Variants in MAN1A2 observed in about 807,000 individuals in gnomAD.
MAN1A2 encodes mannosidase alpha class 1A member 2.
A neutral mutation model predicts 75.7 loss-of-function variants in MAN1A2; 26 were observed. The ratio of observed to expected loss-of-function variants is 0.34; its 90% CI spans 0.25 to 0.48. MAN1A2 has a LOEUF of 0.48. Among genes scored for constraint, MAN1A2 ranks in the 20% least tolerant of loss-of-function variants. The probability of loss-of-function intolerance (pLI) is 0.99; values close to 1 mark genes in which losing one functional copy is unlikely to be tolerated. For missense variants in MAN1A2, 562 were observed against 775.5 expected (o/e 0.72, Z 3.27); for synonymous variants, 247 against 264.6 (o/e 0.93, Z 0.65).
chr1:117,449,156 C>T (rs2101821827), intron 6 of MAN1A2, among the ~76,000 whole-genome samples: 1 of 152,260 alleles, frequency 6.6e-6, no homozygotes, highest in Admixed American at 6.5e-5. Flanking sequence ...TCTCCTTCTC[C>T]TTGGGCTTCC....
At chr1:117,490,033 G>C (rs1650831442) in intron 8 of MAN1A2, among the ~76,000 whole-genome samples, 2 of 151,860 alleles carry the variant, frequency 1.3e-5, no homozygotes. Flanking sequence ...ATAAAGGAGT[G>C]TGGTTGCCTT....
intron 7 of MAN1A2, among the ~76,000 whole-genome samples, chr1:117,462,609 G>T (rs1006148081): frequency 1.3e-5 from 2 of 152,152 alleles, no homozygotes; most frequent in Admixed American, 6.6e-5. Context: ...GTATAGTTTT[G>T]AAAGGAAATG....
chr1:117,459,152 C>G (rs1285182944), intron 6 of MAN1A2, among the ~76,000 whole-genome samples: 1 of 152,144 alleles, frequency 6.6e-6, no homozygotes, highest in African/African-American at 2.4e-5. Context: ...GAGGCCATAT[C>G]TAAAGTGGCA....
chr1:117,450,644 C>T (rs557854752), intron 6 of MAN1A2, among the ~76,000 whole-genome samples: 1 of 152,262 alleles, frequency 6.6e-6, no homozygotes, highest in South Asian at 2.1e-4. Flanking sequence ...CCAGGGTCCC[C>T]TTGTGTGCAG....
chr1:117,404,865 TGACACG>T (rs1358081723), intron 2 of MAN1A2, among the ~76,000 whole-genome samples: 3 of 152,128 alleles, frequency 2.0e-5, no homozygotes, highest in Admixed American at 2.0e-4. Flanking sequence ...CCATTCTGGC[TGACACG>T]GTGAAACCCT....
chr1:117,447,421 A>T (rs139921690), intron 6 of MAN1A2, among the ~76,000 whole-genome samples: 1 of 152,072 alleles, frequency 6.6e-6, no homozygotes, highest in African/African-American at 2.4e-5. Context: ...AGTATCCTGC[A>T]TATGTTGGGA....
At chr1:117,392,973 GA>G (rs1400968102) in intron 1 of MAN1A2, among the ~76,000 whole-genome samples, 1 of 152,196 alleles carries the variant, frequency 6.6e-6, no homozygotes, top group Non-Finnish European at 1.5e-5. Context: ...TTCATATTGA[GA>G]AACAGTTGGG....
intron 6 of MAN1A2, among the ~76,000 whole-genome samples, chr1:117,460,095 T>C (rs1045825545): frequency 2.6e-5 from 4 of 152,008 alleles, no homozygotes; most frequent in African/African-American, 9.7e-5. Flanking sequence ...AGAAAGTTGT[T>C]TATGAACTGA....
Position 117,519,691 on chromosome 1 carries a change from A to G in MAN1A2, c.1794-3134A>G, listed in dbSNP as rs576153723. Among the ~76,000 whole-genome samples, 54 of 152,072 alleles carry G rather than the reference A, an allele frequency of 3.6e-4. No individual in the cohort carries two copies. In the South Asian group the frequency reaches 0.01, roughly 29 times the overall value. ...GCGAAATTGAAATGGTAATTTAACA[A>G]TTACCAACAAAAAAAAGCCCAGGAA... On this transcript the variant is annotated intron_variant, in intron 12 of 12. Coordinates refer to ENST00000356554, the MANE Select transcript of MAN1A2 (RefSeq NM_006699.5).
intron 6 of MAN1A2, among the ~76,000 whole-genome samples, chr1:117,449,646 G>A (rs1212705618): frequency 6.6e-6 from 1 of 152,066 alleles, no homozygotes; most frequent in Non-Finnish European, 1.5e-5. Flanking sequence ...GGCCTCTTGT[G>A]CCAAACAGTC....
At chr1:117,392,483 A>G (rs1653755388) in intron 1 of MAN1A2, among the ~76,000 whole-genome samples, 1 of 151,950 alleles carries the variant, frequency 6.6e-6, no homozygotes, top group African/African-American at 2.4e-5. Flanking sequence ...TGTCCGTGGT[A>G]TTTATTTTCT....
chr1:117,497,788 T>C (rs1014249357), intron 10 of MAN1A2, among the ~76,000 whole-genome samples: 2 of 151,860 alleles, frequency 1.3e-5, no homozygotes, highest in Admixed American at 6.6e-5. Context: ...CAAGGTTTTC[T>C]CTGGCTTTAA....
chr1:117,371,980 A>AT (rs1652979020), intron 1 of MAN1A2, among the ~76,000 whole-genome samples: 1 of 152,218 alleles, frequency 6.6e-6, no homozygotes, highest in African/African-American at 2.4e-5. Flanking sequence ...ATCAATCAAT[A>AT]TTTAACCTGG....
At chr1:117,469,164 C>T (rs1253824422) in intron 8 of MAN1A2, among the ~76,000 whole-genome samples, 1 of 151,886 alleles carries the variant, frequency 6.6e-6, no homozygotes, top group East Asian at 1.9e-4. Flanking sequence ...CAGAGCGAGA[C>T]CCTCTCTCAA....
intron 5 of MAN1A2, among the ~76,000 whole-genome samples, 168 bp from the exon 6 acceptor site, chr1:117,442,063 A>T (rs1413227320): frequency 6.6e-6 from 1 of 152,116 alleles, no homozygotes; most frequent in Non-Finnish European, 1.5e-5. Context: ...CAGTTTGCAA[A>T]CATGCTCTCT....
At chr1:117,402,160 C>A in intron 1 of MAN1A2, 26 bp from the exon 2 acceptor site, 2 of 1,588,290 alleles carry the variant, frequency 1.3e-6, no homozygotes, top group Non-Finnish European at 1.7e-6. Context: ...CTCACTGTTA[C>A]GTTTTATTTC....
intron 6 of MAN1A2, among the ~76,000 whole-genome samples, chr1:117,454,759 A>G (rs1649526917): frequency 1.3e-5 from 2 of 152,198 alleles, no homozygotes; most frequent in East Asian, 1.9e-4. Flanking sequence ...AATAACTCGC[A>G]TAGTGGGGCC....
chr1:117,473,674 T>G lies in MAN1A2; in HGVS notation c.1168+7247T>G, dbSNP rs137965406. On this transcript the variant is annotated intron_variant, in intron 8 of 12. Coordinates refer to ENST00000356554, the MANE Select transcript of MAN1A2 (RefSeq NM_006699.5). Reference sequence around the variant, plus strand: ...CAGCCACTACTCCCTTTGCTTGGAATGATTTTTCGAGAGATATTCACATAG... The same window carrying G: ...CAGCCACTACTCCCTTTGCTTGGAAGGATTTTTCGAGAGATATTCACATAG... 5.0e-4 allele frequency among the ~76,000 whole-genome samples: 76 copies of G among 152,160 alleles called. 1 individual carries two copies. The highest frequency in any genetic ancestry group is 1.7e-3 in the African/African-American group (72 of 41,554).
chr1:117,420,693 G>A (rs766201660), intron 5 of MAN1A2, 44 bp downstream of exon 5: 1 of 1,348,348 alleles, frequency 7.4e-7, no homozygotes, highest in African/African-American at 1.4e-5. Flanking sequence ...GGAGGGGAGG[G>A]TTGGAATTTA....
Sources: allele counts gnomAD v4.1 joint callset (sites outside exome capture counted in the v4.1 genomes callset), GRCh38; gene constraint gnomAD v4.1.1; transcripts MANE v1.5; gene names NCBI Gene and HGNC (gene_info 2026-07-23, HGNC 2026-07-21).